Variants in OXR1 observed in about 807,000 individuals in gnomAD.
OXR1 encodes the protein oxidation resistance 1.
A neutral mutation model predicts 104.6 loss-of-function variants in OXR1; 41 were observed. That is an observed-to-expected ratio of 0.39 (90% CI 0.31 to 0.51). The LOEUF is 0.51. Ranked by LOEUF, OXR1 falls within the 20% of genes least tolerant of loss-of-function variation. The pLI, the probability that OXR1 is intolerant of heterozygous loss-of-function variation, is 0.77. For synonymous variants in OXR1, 348 were observed against 348.4 expected, an observed-to-expected ratio of 1.00 and a Z score of 0.01; for missense variants, 955 against 1,031.9, an observed-to-expected ratio of 0.93 and a Z score of 1.02.
chr8:106,735,482 T>C (rs1045742651), intron 11 of OXR1, among the ~76,000 whole-genome samples: 1 of 152,150 alleles, frequency 6.6e-6, no homozygotes, highest in African/African-American at 2.4e-5. Context: ...TGATCTCTTT[T>C]GTAAGCATAA....
intron 1 of OXR1, among the ~76,000 whole-genome samples, chr8:106,351,817 G>A (rs2130309310): frequency 6.6e-6 from 1 of 152,208 alleles, no homozygotes; most frequent in African/African-American, 2.4e-5. Flanking sequence ...TATGTGGCAG[G>A]CAATATCAAG....
At position 106,382,635 on chromosome 8, in the gene OXR1, C is replaced by T. The variant is rs116146156; in HGVS notation, c.23+22999C>T. 4.0e-3 allele frequency among the ~76,000 whole-genome samples: 587 copies of T among 148,544 alleles called. 6 individuals carry two copies. Among genetic ancestry groups the T allele is most frequent in the African/African-American group, 0.013 (525 of 40,418 alleles). ...GCTCTGCTAGAGGGTCCCGGCAATC[C>T]GGTATTTTCTTTTCTAAAGTCTCCT... On this transcript the variant is annotated intron_variant, in intron 2 of 16. Transcript: ENST00000517566.
At chr8:106,303,771 A>G (rs1813362281) in intron 1 of OXR1, among the ~76,000 whole-genome samples, 1 of 152,200 alleles carries the variant, frequency 6.6e-6, no homozygotes, top group Non-Finnish European at 1.5e-5. Context: ...CTTCCTTTCC[A>G]ATACCCTTCA....
Position 106,742,924 on chromosome 8 carries a change from C to T in OXR1, c.2412+607C>T, listed in dbSNP as rs1333887804. On this transcript the variant is annotated intron_variant, in intron 15 of 16. Transcript: ENST00000517566. ...ATGACAACAATGCCAAAAGCAGTTG[C>T]AACAGAAGCAAAAATTGGCAAATGG... Among the ~76,000 whole-genome samples the T allele has an allele frequency of 4.6e-5, 7 of 152,224 alleles. No individual in the cohort carries two copies. The East Asian group carries it at 1.2e-3, about 25-fold the overall frequency.
At chr8:106,299,688 C>G (rs1319744421) in intron 1 of OXR1, among the ~76,000 whole-genome samples, 1 of 152,110 alleles carries the variant, frequency 6.6e-6, no homozygotes, top group African/African-American at 2.4e-5. Context: ...AAAGTTCACT[C>G]CCAATATTTT....
intron 2 of OXR1, among the ~76,000 whole-genome samples, chr8:106,486,531 G>C (rs1453227058): frequency 6.6e-6 from 1 of 152,054 alleles, no homozygotes; most frequent in African/African-American, 2.4e-5. Context: ...GAATAAATTA[G>C]AGAAAAATAC....
At chr8:106,346,496 G>A (rs1167090850) in intron 1 of OXR1, among the ~76,000 whole-genome samples, 3 of 152,258 alleles carry the variant, frequency 2.0e-5, no homozygotes, top group Non-Finnish European at 4.4e-5. Context: ...AAGAATTGTG[G>A]CTGAGGTTTG....
At chr8:106,488,907 G>T (rs2129830876) in intron 2 of OXR1, among the ~76,000 whole-genome samples, 1 of 151,770 alleles carries the variant, frequency 6.6e-6, no homozygotes. Context: ...GGGGATGCGG[G>T]CTCTTTTTTG....
chr8:106,473,082 AT>A (rs1476960182), intron 2 of OXR1, among the ~76,000 whole-genome samples: 1 of 151,928 alleles, frequency 6.6e-6, no homozygotes, highest in Non-Finnish European at 1.5e-5. Context: ...TAGGAAGGAT[AT>A]AAAAATTTGT....
intron 2 of OXR1, among the ~76,000 whole-genome samples, chr8:106,371,786 A>G (rs760415919): frequency 9.2e-5 from 14 of 152,146 alleles, no homozygotes; most frequent in Non-Finnish European, 1.3e-4. Flanking sequence ...GCCTCACCCA[A>G]TGAGGAAGGA....
At chr8:106,602,709 T>C (rs554250983) in intron 3 of OXR1, among the ~76,000 whole-genome samples, 1 of 152,318 alleles carries the variant, frequency 6.6e-6, no homozygotes, top group African/African-American at 2.4e-5. Flanking sequence ...GCATGTTGTA[T>C]TACATATGAT....
intron 2 of OXR1, among the ~76,000 whole-genome samples, chr8:106,399,443 G>A (rs1817915414): frequency 6.6e-6 from 1 of 152,140 alleles, no homozygotes; most frequent in African/African-American, 2.4e-5. Context: ...TTTATAGTCT[G>A]ATGCTAGCTA....
intron 16 of OXR1, among the ~76,000 whole-genome samples, chr8:106,749,397 G>A (rs994068816): frequency 1.3e-5 from 2 of 151,562 alleles, no homozygotes; most frequent in South Asian, 2.1e-4. Flanking sequence ...AGTTAACTCT[G>A]TAATGCCATG....
At chr8:106,401,394 G>A (rs1220363790) in intron 2 of OXR1, among the ~76,000 whole-genome samples, 1 of 152,128 alleles carries the variant, frequency 6.6e-6, no homozygotes, top group African/African-American at 2.4e-5. Context: ...CCTGGTAACT[G>A]TTTCTCAAAA....
intron 2 of OXR1, among the ~76,000 whole-genome samples, chr8:106,491,419 T>C (rs1811079447): frequency 1.3e-5 from 2 of 152,242 alleles, no homozygotes; most frequent in Admixed American, 6.5e-5. Flanking sequence ...TTGTTTTTCC[T>C]TGTTTTTAAG....
At chr8:106,465,041 G>C (rs1407190520) in intron 2 of OXR1, among the ~76,000 whole-genome samples, 1 of 151,918 alleles carries the variant, frequency 6.6e-6, no homozygotes, top group African/African-American at 2.4e-5. Flanking sequence ...TTAATATATA[G>C]AGTATGTTAA....
At chr8:106,584,609 G>A (rs1818493374) in intron 3 of OXR1, among the ~76,000 whole-genome samples, 2 of 152,016 alleles carry the variant, frequency 1.3e-5, no homozygotes. Flanking sequence ...AATTTGAATG[G>A]TAAATGGTAA....
intron 1 of OXR1, among the ~76,000 whole-genome samples, chr8:106,343,380 C>A (rs1290590275): frequency 1.3e-5 from 2 of 152,214 alleles, no homozygotes; most frequent in Non-Finnish European, 2.9e-5. Context: ...ACTGAATATT[C>A]TAGAGAATGG....
intron 3 of OXR1, among the ~76,000 whole-genome samples, chr8:106,528,116 C>A (rs1214134325): frequency 6.6e-6 from 1 of 152,040 alleles, no homozygotes; most frequent in Non-Finnish European, 1.5e-5. Flanking sequence ...TCTTTCCTTT[C>A]TTTCTCCCTT....
Sources: allele counts gnomAD v4.1 joint callset (sites outside exome capture counted in the v4.1 genomes callset), GRCh38; gene constraint gnomAD v4.1.1; transcripts MANE v1.5; gene names NCBI Gene and HGNC (gene_info 2026-07-23, HGNC 2026-07-21).